CYSLTR2: variants seen among roughly 807,000 people sequenced by gnomAD.
CYSLTR2 encodes cysteinyl leukotriene receptor 2.
For missense variants in CYSLTR2, 398 were observed against 411.9 expected (o/e 0.97, Z 0.29); for synonymous variants, 179 against 160.8 (o/e 1.11, Z -0.86).
intron 4 of CYSLTR2, among the ~76,000 whole-genome samples, chr13:48,699,620 A>G (rs1159546891): frequency 6.6e-6 from 1 of 152,228 alleles, no homozygotes; most frequent in Non-Finnish European, 1.5e-5. Flanking sequence ...TAGAGATGCA[A>G]GAGCAAACAC....
At chr13:48,686,437 A>C (rs1342851504) in intron 1 of CYSLTR2, among the ~76,000 whole-genome samples, 1 of 152,176 alleles carries the variant, frequency 6.6e-6, no homozygotes, top group African/African-American at 2.4e-5. Context: ...ATTTGTGCTC[A>C]TGTTAGGTAA....
rs368909553 is a variant in CYSLTR2 at position 48,705,996 on chromosome 13, G to GTTTTTTT, written c.-1-819_-1-818insTTTTTTT. On this transcript the variant is annotated intron_variant, in intron 4 of 4. Transcript: ENST00000682523. Reference sequence around the variant, plus strand: ...TGTTTGTTTTTTGTTTTGTTTTGTTGTTGTTTTTTTTTTTTTTGAGATGGA... The same window carrying GTTTTTTT: ...TGTTTGTTTTTTGTTTTGTTTTGTTGTTTTTTTTTGTTTTTTTTTTTTTTGAGATGGA... Among the ~76,000 whole-genome samples, 4 of 128,572 alleles carry GTTTTTTT rather than the reference G, an allele frequency of 3.1e-5. 1 individual carries two copies. The highest frequency in any genetic ancestry group is 3.2e-5 in the Non-Finnish European group (2 of 63,162). The allele number at this position is 128,572 out of a possible 152,430, so 84.3% of individuals were successfully genotyped here.
intron 1 of CYSLTR2, among the ~76,000 whole-genome samples, chr13:48,672,106 T>C (rs1490610766): frequency 6.6e-6 from 1 of 152,208 alleles, no homozygotes; most frequent in Non-Finnish European, 1.5e-5. Flanking sequence ...GTAGTTTGTA[T>C]TTCTATGGGA....
intron 2 of CYSLTR2, among the ~76,000 whole-genome samples, chr13:48,692,541 T>C (rs560502831): frequency 6.6e-6 from 1 of 151,434 alleles, no homozygotes; most frequent in Non-Finnish European, 1.5e-5. Context: ...TAAAATTAAA[T>C]CTATTAGATA....
chr13:48,679,359 A>T (rs1953687771), intron 1 of CYSLTR2, among the ~76,000 whole-genome samples: 1 of 151,948 alleles, frequency 6.6e-6, no homozygotes. Context: ...GACTTGCTTG[A>T]CCCATTCATC....
chr13:48,694,439 A>G (rs1954114850), intron 3 of CYSLTR2, among the ~76,000 whole-genome samples: 2 of 152,222 alleles, frequency 1.3e-5, no homozygotes, highest in South Asian at 2.1e-4. Context: ...CTAGAAAACA[A>G]TATTTCCAAC....
intron 1 of CYSLTR2, among the ~76,000 whole-genome samples, chr13:48,674,284 CA>C (rs1354695167): frequency 2.0e-5 from 3 of 152,170 alleles, no homozygotes; most frequent in Non-Finnish European, 2.9e-5. Context: ...TTGGTCTTTT[CA>C]TATAGTCACA....
At chr13:48,654,562 A>G (rs772225471) in intron 1 of CYSLTR2, among the ~76,000 whole-genome samples, 6 of 151,942 alleles carry the variant, frequency 3.9e-5, no homozygotes, top group Non-Finnish European at 1.5e-5. Flanking sequence ...TATTTTTTCC[A>G]TTCAGTGTCT....
chr13:48,707,079 A>G lies in CYSLTR2; in HGVS notation c.262A>G (p.Ile88Val). The G allele has an allele frequency of 6.2e-7, 1 of 1,614,212 alleles. No homozygotes were observed. The highest frequency in any genetic ancestry group is 1.3e-5 in the African/African-American group (1 of 75,046). The change falls in exon 5 of 5, where the codon ATA (isoleucine) becomes GTA (valine). Residue 88 changes from isoleucine (I) to valine (V), a missense_variant. Coordinates refer to ENST00000682523, the MANE Select transcript of CYSLTR2 (RefSeq NM_001308476.3). The stretch of plus-strand genomic sequence containing the variant: ...TCTGGCCATTTCAGATCTCCTGTTC[A>G]TAAGCACGCTTCCCTTCAGGGCTGA... ...LNLAISDLLF[I>V]STLPFRADYY... is the part of the protein sequence containing the mutation.
Position 48,710,362 on chromosome 13 carries a change from T to C in CYSLTR2, c.*2504T>C, listed in dbSNP as rs754282830. The C allele has an allele frequency of 9.9e-5, 15 of 152,196 alleles. No homozygotes were observed. The highest frequency in any genetic ancestry group is 2.2e-4 in the Non-Finnish European group (15 of 68,038). The allele number at this position is 152,196 out of a possible 1,614,324, so 9.4% of individuals were successfully genotyped here. A position where few individuals can be genotyped will look rare whatever the true frequency, so the allele number is the denominator to read the frequency against. ...TCCAGTGGATCCACAATGTATATGC[T>C]ACCCACCCATGAGTCACTTAGTCAT... On this transcript the variant is annotated 3_prime_UTR_variant, in exon 5 of 5. Transcript: ENST00000682523.
At chr13:48,684,770 AG>A (rs1953854558) in intron 1 of CYSLTR2, among the ~76,000 whole-genome samples, 1 of 152,198 alleles carries the variant, frequency 6.6e-6, no homozygotes, top group African/African-American at 2.4e-5. Flanking sequence ...TGTAATGTTA[AG>A]AAGAAGTCAT....
chr13:48,672,616 C>CTTTTTTTTTTTTTTT (rs71076039), intron 1 of CYSLTR2, among the ~76,000 whole-genome samples: 8 of 120,116 alleles, frequency 6.7e-5, no homozygotes, highest in Non-Finnish European at 1.0e-4. Context: ...CTTTTCTTTT[C>CTTTTTTTTTTTTTTT]TTTTTTTTTT....
chr13:48,675,759 A>G (rs1566088829), intron 1 of CYSLTR2, among the ~76,000 whole-genome samples: 2 of 151,994 alleles, frequency 1.3e-5, no homozygotes, highest in Non-Finnish European at 1.5e-5. Context: ...TGTGGTTGAA[A>G]CCCAGGGCCC....
chr13:48,677,301 G>A (rs1953622818), intron 1 of CYSLTR2, among the ~76,000 whole-genome samples: 1 of 152,098 alleles, frequency 6.6e-6, no homozygotes, highest in South Asian at 2.1e-4. Flanking sequence ...CATGGGGCAG[G>A]GAAGGCATAT....
At position 48,707,678 on chromosome 13, in the gene CYSLTR2, G is replaced by C. The variant is rs1489768410; in HGVS notation, c.861G>C (p.Leu287Phe). The C allele has an allele frequency of 5.6e-6, 9 of 1,613,932 alleles. No homozygotes were observed. Among genetic ancestry groups the C allele is most frequent in the Non-Finnish European group, 5.1e-6 (6 of 1,179,996 alleles). ...GCAAAGACAGACTGCATAAAGCTTT[G>C]GTTATCACACTGGCCTTGGCAGCAG... Reference protein sequence around the residue: ...GLCKDRLHKALVITLALAAAN... With the variant: ...GLCKDRLHKAFVITLALAAAN... Residue 287 changes from leucine to phenylalanine, a missense_variant, in exon 5 of 5, where the codon TTG becomes TTC. Physicochemically the swap from Leu to Phe is conservative, Grantham distance 22. Coordinates refer to ENST00000682523, the MANE Select transcript of CYSLTR2 (RefSeq NM_001308476.3).
rs1486557730 is a variant in CYSLTR2, at chr13:48,710,265, C to A, written c.*2407C>A. 1 of 152,186 alleles carries A rather than the reference C, an allele frequency of 6.6e-6. No homozygotes were observed. The highest frequency in any genetic ancestry group is 1.9e-4 in the East Asian group (1 of 5,196). The allele number at this position is 152,186 out of a possible 1,614,324, so 9.4% of individuals were successfully genotyped here. A position where few individuals can be genotyped will look rare whatever the true frequency, so the allele number is the denominator to read the frequency against. ...TTAAAACATGTGCTGTTTTGAGTAGCATGTTGAAATCTCGCACTATCACCC... is the reference window on the plus strand; with the variant it reads ...TTAAAACATGTGCTGTTTTGAGTAGAATGTTGAAATCTCGCACTATCACCC... On this transcript the variant is annotated 3_prime_UTR_variant, in exon 5 of 5. Transcript: ENST00000682523.
intron 4 of CYSLTR2, among the ~76,000 whole-genome samples, chr13:48,701,010 C>T (rs1954328399): frequency 6.6e-6 from 1 of 152,066 alleles, no homozygotes; most frequent in South Asian, 2.1e-4. Flanking sequence ...TAAAAGAGGA[C>T]ACAAACAAAT....
chr13:48,672,230 G>T (rs191635059), intron 1 of CYSLTR2, among the ~76,000 whole-genome samples: 2 of 151,730 alleles, frequency 1.3e-5, no homozygotes, highest in African/African-American at 4.8e-5. Flanking sequence ...TTTCAAAAAC[G>T]CAGCTTTTGA....
intron 1 of CYSLTR2, among the ~76,000 whole-genome samples, chr13:48,669,790 C>A (rs925956636): frequency 2.0e-5 from 3 of 152,140 alleles, no homozygotes; most frequent in African/African-American, 7.2e-5. Context: ...TGGGTATATA[C>A]CCAGTAATGG....
Sources: allele counts gnomAD v4.1 joint callset (sites outside exome capture counted in the v4.1 genomes callset), GRCh38; gene constraint gnomAD v4.1.1; transcripts MANE v1.5; gene names NCBI Gene and HGNC (gene_info 2026-07-23, HGNC 2026-07-21).